EPHA6: variants seen among roughly 807,000 people sequenced by gnomAD.
EPHA6 encodes the protein EPH receptor A6.
A neutral mutation model predicts 112.0 loss-of-function variants in EPHA6; 50 were observed. The ratio of observed to expected loss-of-function variants is 0.45; its 90% CI spans 0.36 to 0.56. EPHA6 has a LOEUF of 0.56. EPHA6 is among the 20% of genes least tolerant of loss of function. The pLI is 0.00. For missense variants in EPHA6, 1,280 were observed against 1,417.4 expected (o/e 0.90, Z 1.56); for synonymous variants, 529 against 490.7 (o/e 1.08, Z -1.03).
intron 7 of EPHA6, among the ~76,000 whole-genome samples, chr3:97,454,245 G>A (rs1000560793): frequency 5.3e-5 from 8 of 151,618 alleles, no homozygotes; most frequent in African/African-American, 1.9e-4. Context: ...TTGTTCAAAG[G>A]CGTAATTCTT....
Position 97,323,256 on chromosome 3 carries a change from A to T in EPHA6, c.1606+78969A>T, listed in dbSNP as rs1037475834. ...GAAATGTAATTTTGACTATAAAATT[A>T]TAAGGAAAATAGTTTATTACTTTTT... On this transcript the variant is annotated intron_variant, in intron 5 of 17. Transcript: ENST00000389672. Among the ~76,000 whole-genome samples the T allele has an allele frequency of 2.0e-5, 3 of 152,016 alleles. No homozygotes were observed. The South Asian group carries it at 6.2e-4, about 31-fold the overall frequency.
intron 2 of EPHA6, among the ~76,000 whole-genome samples, chr3:96,904,373 C>T (rs1404353720): frequency 1.4e-5 from 2 of 147,272 alleles, no homozygotes; most frequent in Non-Finnish European, 3.0e-5. Flanking sequence ...AACCAAACAC[C>T]GCGTGTTGTC....
intron 5 of EPHA6, among the ~76,000 whole-genome samples, chr3:97,341,620 T>G (rs866257284): frequency 1.3e-5 from 2 of 152,284 alleles, no homozygotes; most frequent in Non-Finnish European, 1.5e-5. Context: ...CCCAAAGAGC[T>G]GGGATTACTC....
intron 6 of EPHA6, among the ~76,000 whole-genome samples, chr3:97,409,447 A>G (rs1187397792): frequency 6.6e-6 from 1 of 152,112 alleles, no homozygotes; most frequent in African/African-American, 2.4e-5. Context: ...ACTAAGGCAC[A>G]AAAAGGTTAA....
chr3:96,896,625 G>A (rs2038284225), intron 2 of EPHA6, among the ~76,000 whole-genome samples: 2 of 152,040 alleles, frequency 1.3e-5, no homozygotes, highest in Non-Finnish European at 2.9e-5. Context: ...TTCTTCTAAG[G>A]AGCTCTTATG....
rs2046791660 is a variant in EPHA6 at position 97,083,527 on chromosome 3, C to G, written c.1114+95534C>G. Reference sequence around the variant, plus strand: ...GCAGACCAAGACTGATCCTGAGCTTCTTAGCTTTCTATTTCCACCTACCTT... The same window carrying G: ...GCAGACCAAGACTGATCCTGAGCTTGTTAGCTTTCTATTTCCACCTACCTT... On this transcript the variant is annotated intron_variant, in intron 3 of 17. Coordinates refer to ENST00000389672, the MANE Select transcript of EPHA6 (RefSeq NM_001080448.3). Among the ~76,000 whole-genome samples, 4 of 151,938 alleles carry G rather than the reference C, an allele frequency of 2.6e-5. No homozygotes were observed. In the South Asian group the frequency reaches 8.3e-4, roughly 31 times the overall value.
intron 5 of EPHA6, among the ~76,000 whole-genome samples, chr3:97,284,917 A>C (rs1414179275): frequency 6.6e-6 from 1 of 152,168 alleles, no homozygotes; most frequent in Non-Finnish European, 1.5e-5. Flanking sequence ...AGGTATATAC[A>C]TTCACTATAT....
intron 10 of EPHA6, among the ~76,000 whole-genome samples, chr3:97,530,532 A>C (rs1169837824): frequency 6.6e-6 from 1 of 151,700 alleles, no homozygotes; most frequent in Non-Finnish European, 1.5e-5. Flanking sequence ...CTGAAAAACT[A>C]CAACTTCTTT....
intron 5 of EPHA6, among the ~76,000 whole-genome samples, chr3:97,334,157 G>C (rs1366050890): frequency 6.6e-6 from 1 of 151,946 alleles, no homozygotes; most frequent in Non-Finnish European, 1.5e-5. Context: ...ATCCCACCTG[G>C]TCGTAGTATA....
intron 13 of EPHA6, among the ~76,000 whole-genome samples, chr3:97,627,342 CAGG>C (rs2093866470): frequency 6.6e-6 from 1 of 151,644 alleles, no homozygotes; most frequent in South Asian, 2.1e-4. Flanking sequence ...AAAAATAAAG[CAGG>C]GAAAAGGCAA....
At chr3:97,661,021 C>G (rs1041914997) in intron 14 of EPHA6, among the ~76,000 whole-genome samples, 7 of 152,012 alleles carry the variant, frequency 4.6e-5, no homozygotes, top group African/African-American at 1.4e-4. Flanking sequence ...ACAGTATTTT[C>G]CACTGAATTT....
At chr3:97,724,839 A>G (rs910493104) in intron 15 of EPHA6, among the ~76,000 whole-genome samples, 9 of 152,024 alleles carry the variant, frequency 5.9e-5, no homozygotes, top group Non-Finnish European at 1.3e-4. Flanking sequence ...AAATTCTGGT[A>G]TTTTTAAGTG....
intron 5 of EPHA6, among the ~76,000 whole-genome samples, chr3:97,338,733 T>A (rs977252333): frequency 1.3e-5 from 2 of 152,006 alleles, no homozygotes; most frequent in Non-Finnish European, 2.9e-5. Flanking sequence ...GAAGTGAGAG[T>A]GTTAGTTGCA....
At chr3:97,432,730 G>GC (rs1472428767) in intron 6 of EPHA6, among the ~76,000 whole-genome samples, 1 of 152,188 alleles carries the variant, frequency 6.6e-6, no homozygotes, top group Non-Finnish European at 1.5e-5. Flanking sequence ...CAAAGAAGAA[G>GC]CAAGGACCTT....
intron 6 of EPHA6, among the ~76,000 whole-genome samples, chr3:97,411,885 G>C (rs1233534061): frequency 6.6e-6 from 1 of 152,052 alleles, no homozygotes. Flanking sequence ...AACTCAGGGG[G>C]AGTCGCTTAA....
rs769445596 is a variant in EPHA6, at chr3:97,579,005, A to G, written c.2387-13607A>G. ...TTAATCTCCTCTTCATTTTTATTTC[A>G]TGTTTATTTCTCGACAAGCCTGTTC... On this transcript the variant is annotated intron_variant, in intron 11 of 17. Coordinates refer to ENST00000389672, the MANE Select transcript of EPHA6 (RefSeq NM_001080448.3). Among the ~76,000 whole-genome samples, 11 of 152,152 alleles carry G rather than the reference A, an allele frequency of 7.2e-5. No individual in the cohort carries two copies. The South Asian group carries it at 1.2e-3, about 17-fold the overall frequency.
chr3:97,018,030 A>G (rs1450827927), intron 3 of EPHA6, among the ~76,000 whole-genome samples: 1 of 149,320 alleles, frequency 6.7e-6, no homozygotes, highest in African/African-American at 2.5e-5. Flanking sequence ...CCTACCTTCA[A>G]CCTCACTAAT....
At chr3:97,683,187 A>G (rs2031993838) in intron 14 of EPHA6, among the ~76,000 whole-genome samples, 2 of 152,190 alleles carry the variant, frequency 1.3e-5, no homozygotes, top group African/African-American at 4.8e-5. Flanking sequence ...TTCTAATTTC[A>G]GATAACTCAG....
At chr3:97,349,936 G>A (rs1400219528) in intron 5 of EPHA6, among the ~76,000 whole-genome samples, 1 of 151,780 alleles carries the variant, frequency 6.6e-6, no homozygotes, top group Non-Finnish European at 1.5e-5. Context: ...AGAAACAATA[G>A]TCTAAACTAA....
Sources: allele counts gnomAD v4.1 joint callset (sites outside exome capture counted in the v4.1 genomes callset), GRCh38; gene constraint gnomAD v4.1.1; transcripts MANE v1.5; gene names NCBI Gene and HGNC (gene_info 2026-07-23, HGNC 2026-07-21).